Variants in PHF20 observed in about 807,000 individuals in gnomAD.
PHF20 encodes the protein glioma-expressed antigen 2.
In PHF20, 23 loss-of-function variants were observed where a neutral mutation model predicts 113.5. The observed-to-expected ratio is 0.20, with a 90% CI of 0.15 to 0.29. The LOEUF is 0.29. Among genes scored for constraint, PHF20 ranks in the 10% least tolerant of loss-of-function variants. The pLI, the probability that PHF20 is intolerant of heterozygous loss-of-function variation, is 1.00. For synonymous variants in PHF20, 434 were observed against 457.3 expected, an observed-to-expected ratio of 0.95 and a Z score of 0.65; for missense variants, 943 against 1,219.6, an observed-to-expected ratio of 0.77 and a Z score of 3.38.
chr20:35,865,126 G>A (rs1216496066), intron 6 of PHF20, among the ~76,000 whole-genome samples: 1 of 152,100 alleles, frequency 6.6e-6, no homozygotes, highest in East Asian at 1.9e-4. Context: ...CCAGGAGGCG[G>A]AGGTTGCAGT....
intron 13 of PHF20, among the ~76,000 whole-genome samples, chr20:35,926,971 C>T (rs898407746): frequency 5.3e-5 from 8 of 152,170 alleles, no homozygotes; most frequent in Non-Finnish European, 1.2e-4. Context: ...CTTTCCTTTT[C>T]ATTCCCTCCT....
rs554100863 is a variant in PHF20 at position 35,850,296 on chromosome 20, G to GTTTTTTTTTTTTTTTT, written c.340+2876_340+2891dup. Among the ~76,000 whole-genome samples, 23 of 62,356 alleles carry GTTTTTTTTTTTTTTTT rather than the reference G, an allele frequency of 3.7e-4. 1 individual carries two copies. The highest frequency in any genetic ancestry group is 5.6e-4 in the Non-Finnish European group (17 of 30,368). 40.9% of individuals were successfully genotyped at this position (62,356 alleles called of 152,430 possible). The stretch of plus-strand genomic sequence containing the variant: ...CTGGGGCTGCTTAGCTTCCCCCTCC[G>GTTTTTTTTTTTTTTTT]TTTTTTTTTTTTTTTTTTTTTTTTT... On this transcript the variant is annotated intron_variant, in intron 4 of 17. Transcript: ENST00000374012.
At chr20:35,867,453 G>T (rs2054338380) in intron 6 of PHF20, among the ~76,000 whole-genome samples, 1 of 152,198 alleles carries the variant, frequency 6.6e-6, no homozygotes, top group South Asian at 2.1e-4. Flanking sequence ...TAGAGACAGG[G>T]TTTCACCATG....
In PHF20 at chr20:35,948,271, A is replaced by G. The variant is rs1256517817; in HGVS notation, c.*644A>G. The stretch of plus-strand genomic sequence containing the variant: ...CTGGCTGGGTTATGGCTTTTGTAGC[A>G]GAGCCCATACAGCCTATGGAAGAAC... On this transcript the variant is annotated 3_prime_UTR_variant, in exon 18 of 18. Coordinates refer to ENST00000374012, the MANE Select transcript of PHF20 (RefSeq NM_016436.5). The G allele has an allele frequency of 1.3e-5, 2 of 152,884 alleles. No individual in the cohort carries two copies. Among genetic ancestry groups the G allele is most frequent in the African/African-American group, 4.8e-5 (2 of 41,474 alleles). 9.5% of individuals were successfully genotyped at this position (152,884 alleles called of 1,614,324 possible). A position where few individuals can be genotyped will look rare whatever the true frequency, so the allele number is the denominator to read the frequency against.
At chr20:35,825,960 T>A (rs182842634) in intron 2 of PHF20, among the ~76,000 whole-genome samples, 1 of 152,226 alleles carries the variant, frequency 6.6e-6, no homozygotes, top group Non-Finnish European at 1.5e-5. Context: ...TGGACCATTA[T>A]GGGCACTCCG....
At chr20:35,905,184 C>T (rs1325767127) in intron 10 of PHF20, among the ~76,000 whole-genome samples, 1 of 152,086 alleles carries the variant, frequency 6.6e-6, no homozygotes, top group Non-Finnish European at 1.5e-5. Context: ...CAGGCCCTTT[C>T]ATGTGGGGAG....
At chr20:35,895,631 T>C (rs1351948156) in intron 9 of PHF20, among the ~76,000 whole-genome samples, 1 of 152,116 alleles carries the variant, frequency 6.6e-6, no homozygotes, top group Non-Finnish European at 1.5e-5. Flanking sequence ...GTCCAATTAT[T>C]TGTCTGAGAA....
At chr20:35,779,312 G>A (rs1033151183) in intron 1 of PHF20, among the ~76,000 whole-genome samples, 2 of 152,016 alleles carry the variant, frequency 1.3e-5, no homozygotes, top group Non-Finnish European at 2.9e-5. Flanking sequence ...TAGGTTTACA[G>A]GTGTGAGCCA....
chr20:35,823,491 G>A (rs1163850437), intron 2 of PHF20, among the ~76,000 whole-genome samples: 2 of 151,104 alleles, frequency 1.3e-5, no homozygotes, highest in Non-Finnish European at 3.0e-5. Flanking sequence ...GGGTGTGGTG[G>A]TGTGTGTCTA....
rs761010108 is a variant in PHF20 at position 35,917,647 on chromosome 20, T to C, written c.1989T>C (p.Asn663=). 1.2e-6 allele frequency: 2 copies of C among 1,613,572 alleles called. No individual in the cohort carries two copies. Among genetic ancestry groups the C allele is most frequent in the Non-Finnish European group, 1.7e-6 (2 of 1,179,816 alleles). The change falls in exon 13 of 18, where the codon AAT becomes AAC. Residue 663 remains asparagine (N), a synonymous_variant. Coordinates refer to ENST00000374012, the MANE Select transcript of PHF20 (RefSeq NM_016436.5). The part of the protein sequence containing the change: ...VRCICEVQEE[N]DFMIQCEECQ... ...GCATCTGTGAGGTCCAGGAGGAAAATGACTTCATGATTCAGGTAGGCAGAG... is the reference window on the plus strand; with the variant it reads ...GCATCTGTGAGGTCCAGGAGGAAAACGACTTCATGATTCAGGTAGGCAGAG...
chr20:35,909,430 G>T (rs1040296069), intron 10 of PHF20, among the ~76,000 whole-genome samples: 1 of 151,898 alleles, frequency 6.6e-6, no homozygotes, highest in Non-Finnish European at 1.5e-5. Flanking sequence ...TGAAACCATG[G>T]CTAATAATAC....
intron 15 of PHF20, 162 bp from the exon 16 acceptor site, chr20:35,938,535 G>A (rs1311136845): frequency 2.0e-5 from 14 of 688,154 alleles, no homozygotes; most frequent in Non-Finnish European, 3.3e-5. Flanking sequence ...GGTCTCCTAG[G>A]AGACCACGGA....
intron 6 of PHF20, among the ~76,000 whole-genome samples, chr20:35,864,407 A>AC (rs2054276146): frequency 3.0e-5 from 4 of 132,530 alleles, no homozygotes; most frequent in Non-Finnish European, 3.2e-5. Context: ...CCCATCTCAA[A>AC]ACACACACAC....
intron 2 of PHF20, among the ~76,000 whole-genome samples, chr20:35,838,727 G>A (rs1362093123): frequency 2.0e-5 from 3 of 152,002 alleles, no homozygotes; most frequent in Admixed American, 2.0e-4. Context: ...GGTGGTTCAT[G>A]CCTGTAATCT....
intron 9 of PHF20, among the ~76,000 whole-genome samples, chr20:35,873,456 CTGTTTTTT>C (rs1243260422): frequency 5.0e-4 from 61 of 122,418 alleles, no homozygotes; most frequent in South Asian, 3.1e-3. Context: ...TGTGTTTTGT[CTGTTTTTT>C]TGTTTTTTTT....
intron 13 of PHF20, among the ~76,000 whole-genome samples, chr20:35,926,398 C>T (rs899537958): frequency 2.0e-5 from 3 of 151,496 alleles, no homozygotes; most frequent in East Asian, 2.0e-4. Context: ...CCACCACGCC[C>T]GGCTAATTTT....
chr20:35,840,451 G>A (rs2042518688), intron 2 of PHF20, among the ~76,000 whole-genome samples: 1 of 152,144 alleles, frequency 6.6e-6, no homozygotes, highest in Admixed American at 6.6e-5. Context: ...TTTAACGTGG[G>A]GAATTGGGTA....
At chr20:35,799,935 G>A (rs2041747012) in intron 1 of PHF20, among the ~76,000 whole-genome samples, 1 of 152,158 alleles carries the variant, frequency 6.6e-6, no homozygotes, top group African/African-American at 2.4e-5. Flanking sequence ...AAAGTGTTGG[G>A]ATTACAGGCT....
chr20:35,835,475 T>A (rs773553403), intron 2 of PHF20, among the ~76,000 whole-genome samples: 26 of 152,186 alleles, frequency 1.7e-4, no homozygotes, highest in Admixed American at 4.6e-4. Flanking sequence ...ACAAGAACAC[T>A]TGGACAGATC....
Sources: gnomAD v4.1 joint callset for allele counts (sites outside exome capture counted in the v4.1 genomes callset) on GRCh38, gnomAD v4.1.1 for gene constraint, MANE v1.5 for transcripts, NCBI Gene and HGNC (gene_info 2026-07-23, HGNC 2026-07-21) for gene names.